The following ZNF532 variants were observed in gnomAD, a reference collection of about 807,000 sequenced individuals.
ZNF532 encodes the protein zinc finger protein 532.
ZNF532 carries 22 observed loss-of-function variants against 89.3 expected under a neutral mutation model. The observed-to-expected ratio is 0.25, with a 90% CI of 0.18 to 0.35. The LOEUF is 0.35. Among genes scored for constraint, ZNF532 ranks in the 10% least tolerant of loss-of-function variants. The probability of loss-of-function intolerance (pLI) is 1.00; values close to 1 mark genes in which losing one functional copy is unlikely to be tolerated. For missense variants in ZNF532, 1,132 were observed against 1,643.4 expected (o/e 0.69, Z 5.38); for synonymous variants, 606 against 649.6 (o/e 0.93, Z 1.02).
At chr18:58,936,875 A>G (rs2062521837) in intron 4 of ZNF532, among the ~76,000 whole-genome samples, 1 of 151,880 alleles carries the variant, frequency 6.6e-6, no homozygotes. Context: ...ATAGTTACTC[A>G]TTTTCAATGT....
chr18:58,961,830 G>A (rs1389891412), intron 7 of ZNF532, among the ~76,000 whole-genome samples: 2 of 152,210 alleles, frequency 1.3e-5, no homozygotes, highest in Non-Finnish European at 1.5e-5. Context: ...GATAATTCCA[G>A]ACCAGCTGGG....
Position 58,985,572 on chromosome 18 carries a change from T to C in ZNF532, c.*1106T>C, listed in dbSNP as rs1025456214. 9.8e-5 allele frequency: 15 copies of C among 152,702 alleles called. No individual in the cohort carries two copies. Among genetic ancestry groups the C allele is most frequent in the African/African-American group, 3.4e-4 (14 of 41,548 alleles). 9.5% of individuals were successfully genotyped at this position (152,702 alleles called of 1,614,324 possible). ...TGCAATTGGCCGTTACCTTAAGCAC[T>C]GAGCCACCCGGGTTTAGTTCAGCCA... On this transcript the variant is annotated 3_prime_UTR_variant, in exon 10 of 10. Transcript: ENST00000591808.
chr18:58,957,212 GT>G (rs900254362), intron 7 of ZNF532, among the ~76,000 whole-genome samples: 3 of 151,988 alleles, frequency 2.0e-5, no homozygotes, highest in African/African-American at 7.2e-5. Context: ...ACATATAAGG[GT>G]TCAAAAATTG....
intron 7 of ZNF532, among the ~76,000 whole-genome samples, chr18:58,967,633 T>C (rs945574948): frequency 7.2e-5 from 11 of 152,086 alleles, no homozygotes; most frequent in African/African-American, 2.7e-4. Flanking sequence ...CTCAAGGGCA[T>C]GGAGAGCCTG....
At chr18:58,901,466 T>C (rs2059596715) in intron 2 of ZNF532, among the ~76,000 whole-genome samples, 2 of 152,198 alleles carry the variant, frequency 1.3e-5, no homozygotes, top group African/African-American at 4.8e-5. Flanking sequence ...TCCGATATCT[T>C]CTTGGTTCAG....
intron 7 of ZNF532, among the ~76,000 whole-genome samples, chr18:58,971,035 T>C (rs1309320835): frequency 6.6e-6 from 1 of 152,268 alleles, no homozygotes; most frequent in Non-Finnish European, 1.5e-5. Context: ...TTTGGCCTTC[T>C]GTTCTTGTGC....
chr18:58,966,783 T>C (rs1431609303), intron 7 of ZNF532, among the ~76,000 whole-genome samples: 3 of 150,590 alleles, frequency 2.0e-5, no homozygotes, highest in Admixed American at 6.6e-5. Context: ...TAGGAAGATA[T>C]GCTCTTTACT....
chr18:58,897,946 C>T (rs2059354887), intron 2 of ZNF532, among the ~76,000 whole-genome samples: 1 of 152,158 alleles, frequency 6.6e-6, no homozygotes, highest in Non-Finnish European at 1.5e-5. Context: ...AGCAGTGGGA[C>T]TCTGTCTCAA....
intron 7 of ZNF532, among the ~76,000 whole-genome samples, chr18:58,959,445 G>A (rs2065137593): frequency 6.6e-6 from 1 of 151,878 alleles, no homozygotes; most frequent in Non-Finnish European, 1.5e-5. Flanking sequence ...TTTTTATAGA[G>A]ACGGTGTTTC....
intron 2 of ZNF532, among the ~76,000 whole-genome samples, chr18:58,905,810 C>T (rs924496435): frequency 1.2e-4 from 19 of 152,138 alleles, no homozygotes; most frequent in African/African-American, 3.9e-4. Context: ...TCCAGGAGTC[C>T]GTCTAGGATA....
At chr18:58,959,625 G>A (rs2065155847) in intron 7 of ZNF532, among the ~76,000 whole-genome samples, 1 of 152,102 alleles carries the variant, frequency 6.6e-6, no homozygotes, top group South Asian at 2.1e-4. Context: ...TGGGAGACTT[G>A]GGTATATATT....
chr18:58,868,934 A>G (rs557589772), intron 2 of ZNF532, among the ~76,000 whole-genome samples: 9 of 152,360 alleles, frequency 5.9e-5, no homozygotes, highest in Non-Finnish European at 1.2e-4. Flanking sequence ...TACCTAGGCT[A>G]TATGGTGTAG....
intron 7 of ZNF532, chr18:58,954,066 T>G: frequency 1.0e-6 from 1 of 982,020 alleles, no homozygotes; most frequent in Non-Finnish European, 1.2e-6. Context: ...CACATTCATA[T>G]TTATAGCTTA....
At chr18:58,888,790 ATATAT>A (rs2058583738) in intron 2 of ZNF532, among the ~76,000 whole-genome samples, 2 of 38,820 alleles carry the variant, frequency 5.2e-5, no homozygotes, top group African/African-American at 1.5e-4. Context: ...TATATAAAAT[ATATAT>A]AATTTATATA....
At chr18:58,958,236 T>C (rs374465463) in intron 7 of ZNF532, among the ~76,000 whole-genome samples, 1 of 152,162 alleles carries the variant, frequency 6.6e-6, no homozygotes, top group Non-Finnish European at 1.5e-5. Flanking sequence ...TCAAATACTT[T>C]AAAAAAATAT....
intron 2 of ZNF532, among the ~76,000 whole-genome samples, chr18:58,872,692 ATTTATCTTT>A (rs1208172347): frequency 1.5e-5 from 2 of 129,838 alleles, no homozygotes; most frequent in African/African-American, 6.6e-5. Flanking sequence ...GCCTTCCAAC[ATTTATCTTT>A]TTTTTTTTTT....
chr18:58,887,757 T>C (rs1411192378), intron 2 of ZNF532, among the ~76,000 whole-genome samples: 2 of 152,120 alleles, frequency 1.3e-5, no homozygotes, highest in East Asian at 3.8e-4. Flanking sequence ...AGTGTCCTCT[T>C]CCCAATCCTA....
intron 7 of ZNF532, among the ~76,000 whole-genome samples, chr18:58,960,380 G>C (rs1568427016): frequency 6.6e-6 from 1 of 152,204 alleles, no homozygotes; most frequent in Non-Finnish European, 1.5e-5. Context: ...GGTGAAAGGA[G>C]ATTGCAAATA....
At chr18:58,920,836 C>T (rs529040923) in intron 3 of ZNF532, among the ~76,000 whole-genome samples, 1 of 148,650 alleles carries the variant, frequency 6.7e-6, no homozygotes, top group South Asian at 2.1e-4. Context: ...GCACATGATC[C>T]AGTAAGGATT....
Sources: allele counts gnomAD v4.1 joint callset (sites outside exome capture counted in the v4.1 genomes callset), GRCh38; gene constraint gnomAD v4.1.1; transcripts MANE v1.5; gene names NCBI Gene and HGNC (gene_info 2026-07-23, HGNC 2026-07-21).